SUN5: variants seen among roughly 807,000 people sequenced by gnomAD.
SUN5 encodes the protein Sad1 and UNC84 domain containing 5.
A neutral mutation model predicts 53.7 loss-of-function variants in SUN5; 44 were observed. The ratio of observed to expected loss-of-function variants is 0.82; its 90% CI spans 0.64 to 1.05. The LOEUF is 1.05. Ranked by LOEUF, SUN5 falls within the 50% of genes least tolerant of loss-of-function variation. The pLI is 0.00. For synonymous variants in SUN5, 166 were observed against 179.8 expected, an observed-to-expected ratio of 0.92 and a Z score of 0.62; for missense variants, 433 against 483.8, an observed-to-expected ratio of 0.90 and a Z score of 0.98.
chr20:32,990,591 C>T (rs1173967542), intron 8 of SUN5, among the ~76,000 whole-genome samples: 1 of 152,166 alleles, frequency 6.6e-6, no homozygotes, highest in African/African-American at 2.4e-5. Flanking sequence ...TGGGGACAGC[C>T]ACTCCTGGAG....
In SUN5 at chr20:32,987,645, C is replaced by A. The variant is rs763855078; in HGVS notation, c.729+15G>T. ...ACTCCCCTGCCGCTGTCCCATCTCC[C>A]GCCATCCCCCCTGCCTCAAGGATCA... On this transcript the variant is annotated intron_variant, in intron 10 of 12. Coordinates refer to ENST00000356173, the MANE Select transcript of SUN5 (RefSeq NM_080675.4). 1.3e-6 allele frequency: 2 copies of A among 1,581,484 alleles called. No individual in the cohort carries two copies. The highest frequency in any genetic ancestry group is 1.7e-6 in the Non-Finnish European group (2 of 1,162,334).
chr20:32,985,957 C>T lies in SUN5; in HGVS notation c.730-54G>A, dbSNP rs1600488248. 28 of 1,564,906 alleles carry T rather than the reference C, an allele frequency of 1.8e-5. No individual in the cohort carries two copies. In the South Asian group the frequency reaches 3.0e-4, roughly 17 times the overall value. On this transcript the variant is annotated intron_variant, in intron 10 of 12. Transcript: ENST00000356173. ...TGCTGGGTGGGTAGGGGGATCATCC[C>T]ACCTTTGATCCCCTGTACTTCCTGG...
intron 8 of SUN5, 74 bp downstream of exon 8, chr20:32,995,545 C>T: frequency 3.1e-6 from 4 of 1,297,366 alleles, no homozygotes; most frequent in Non-Finnish European, 4.4e-6. Context: ...CAAGAAAGAA[C>T]ACTTGAGGTA....
intron 4 of SUN5, among the ~76,000 whole-genome samples, chr20:33,000,496 T>C (rs879627616): frequency 2.0e-5 from 3 of 152,126 alleles, no homozygotes; most frequent in Non-Finnish European, 4.4e-5. Flanking sequence ...TTTGGAAGAA[T>C]TTCCAAGGAC....
chr20:32,985,350 C>T (rs1303454669), intron 11 of SUN5, among the ~76,000 whole-genome samples, 165 bp from the exon 12 acceptor site: 5 of 152,060 alleles, frequency 3.3e-5, no homozygotes, highest in African/African-American at 1.2e-4. Flanking sequence ...AGAGCACTGG[C>T]CTGGGAGTCA....
chr20:33,001,558 CT>C (rs1356980100), intron 3 of SUN5, among the ~76,000 whole-genome samples: 8 of 137,428 alleles, frequency 5.8e-5, no homozygotes, highest in African/African-American at 1.3e-4. Context: ...TTCTTTCTTT[CT>C]TTCTTTTCTT....
In SUN5 at chr20:33,004,260, T is replaced by G; in HGVS notation, c.77+4A>C. 6.4e-7 allele frequency: 1 copy of G among 1,563,122 alleles called. No homozygotes were observed. The highest frequency in any genetic ancestry group is 8.7e-7 in the Non-Finnish European group (1 of 1,153,256). The stretch of plus-strand genomic sequence containing the variant: ...TGGGCAAAGGGAGGGGCTGCCATCC[T>G]CACCTCCGGGGTCTGGGATTGTGGG... On this transcript the variant is annotated splice_donor_region_variant and intron_variant, in intron 1 of 12. Coordinates refer to ENST00000356173, the MANE Select transcript of SUN5 (RefSeq NM_080675.4).
chr20:33,002,561 A>C, intron 3 of SUN5, 26 bp downstream of exon 3: 1 of 1,612,544 alleles, frequency 6.2e-7, no homozygotes, highest in Non-Finnish European at 8.5e-7. Flanking sequence ...ATTGATGACG[A>C]AGGTGATTAT....
At chr20:32,986,802 C>G (rs915193305) in intron 10 of SUN5, among the ~76,000 whole-genome samples, 1 of 152,216 alleles carries the variant, frequency 6.6e-6, no homozygotes, top group Non-Finnish European at 1.5e-5. Context: ...CACTGCCCGC[C>G]GCGTCCCCCG....
chr20:32,987,598 G>A (rs1989579229), intron 10 of SUN5, 62 bp downstream of exon 10: 5 of 1,253,010 alleles, frequency 4.0e-6, no homozygotes, highest in Non-Finnish European at 5.3e-6. Flanking sequence ...GCCAGCTCCT[G>A]TCCCCAAACC....
intron 3 of SUN5, among the ~76,000 whole-genome samples, chr20:33,002,020 T>C (rs1180811725): frequency 6.6e-6 from 1 of 152,238 alleles, no homozygotes. Flanking sequence ...TTCTAGACAC[T>C]GGGAGCTTGG....
In SUN5 at chr20:33,002,852, C is replaced by T. The variant is rs781578109; in HGVS notation, c.136+9G>A. On this transcript the variant is annotated intron_variant, in intron 2 of 12. Coordinates refer to ENST00000356173, the MANE Select transcript of SUN5 (RefSeq NM_080675.4). ...CCATGAAAATACCAGGGCACCTGTC[C>T]TTGCTCACTCATGTTTGGGGAGGTG... is the stretch of plus-strand genomic sequence containing the variant. 6.2e-7 allele frequency: 1 copy of T among 1,614,056 alleles called. No homozygotes were observed. Among genetic ancestry groups the T allele is most frequent in the Non-Finnish European group, 8.5e-7 (1 of 1,180,046 alleles).
At position 32,995,746 on chromosome 20, in the gene SUN5, TAACAAG is replaced by T. The variant is rs901913420; in HGVS notation, c.426-25_426-20del. 1.2e-6 allele frequency: 2 copies of T among 1,607,920 alleles called. No individual in the cohort carries two copies. Among genetic ancestry groups the T allele is most frequent in the African/African-American group, 2.7e-5 (2 of 74,776 alleles). ...GTACAACCTTATCAGGAAGGAGTGA[TAACAAG>T]AACAGGTTGATTTGTGATGCGTTGT... On this transcript the variant is annotated intron_variant, in intron 7 of 12. Transcript: ENST00000356173.
chr20:33,000,265 G>A (rs931502514), intron 4 of SUN5, 130 bp from the exon 5 acceptor site: 6 of 1,116,962 alleles, frequency 5.4e-6, no homozygotes, highest in Non-Finnish European at 5.0e-6. Context: ...CCTGGTAAAC[G>A]TGTCCTTCAG....
intron 8 of SUN5, among the ~76,000 whole-genome samples, chr20:32,994,891 T>A (rs144247319): frequency 0.011 from 1,672 of 151,048 alleles, 12 homozygotes; most frequent in Non-Finnish European, 0.016. Context: ...ACTAAATGCA[T>A]GGATTTAATA....
chr20:33,001,658 C>CCTCA (rs1990044864), intron 3 of SUN5, among the ~76,000 whole-genome samples: 2 of 122,334 alleles, frequency 1.6e-5, no homozygotes, highest in Non-Finnish European at 3.5e-5. Flanking sequence ...TCCCTCCCTC[C>CCTCA]CTCCCTCCCT....
intron 5 of SUN5, among the ~76,000 whole-genome samples, chr20:32,998,145 T>TCTGGCCAA (rs1393533568): frequency 8.0e-6 from 1 of 124,422 alleles, no homozygotes; most frequent in African/African-American, 3.1e-5. Context: ...TCAAGACCAG[T>TCTGGCCAA]CTGGCCAATG....
chr20:33,001,334 C>T, intron 3 of SUN5, 56 bp from the exon 4 acceptor site: 1 of 1,546,184 alleles, frequency 6.5e-7, no homozygotes. Context: ...TGTCCCACTA[C>T]AAGGACCTGC....
chr20:32,991,037 C>CA (rs1315637686), intron 8 of SUN5, among the ~76,000 whole-genome samples: 1 of 152,060 alleles, frequency 6.6e-6, no homozygotes, highest in African/African-American at 2.4e-5. Flanking sequence ...CTCCAAAAGG[C>CA]AAAAAAATCC....
Sources: gnomAD v4.1 joint callset for allele counts (sites outside exome capture counted in the v4.1 genomes callset) on GRCh38, gnomAD v4.1.1 for gene constraint, MANE v1.5 for transcripts, NCBI Gene and HGNC (gene_info 2026-07-23, HGNC 2026-07-21) for gene names.